The following SDCCAG8 variants were observed in gnomAD, a reference collection of about 807,000 sequenced individuals.
SDCCAG8 encodes serologically defined colon cancer antigen 8.
Under a neutral mutation model 101.8 loss-of-function variants are expected in SDCCAG8, and 74 were observed. The ratio of observed to expected loss-of-function variants is 0.73; its 90% confidence interval spans 0.60 to 0.88. The LOEUF (loss-of-function observed/expected upper bound fraction) is 0.88, where lower values mean the gene tolerates loss of function less well. Ranked by LOEUF, SDCCAG8 falls within the 40% of genes least tolerant of loss-of-function variation. SDCCAG8 has a pLI of 0.00. For missense variants in SDCCAG8, 787 were observed against 822.6 expected (o/e 0.96, Z 0.53); for synonymous variants, 281 against 292.9 (o/e 0.96, Z 0.41).
chr1:243,328,168 C>T (rs1163399465), intron 9 of SDCCAG8, among the ~76,000 whole-genome samples: 2 of 152,098 alleles, frequency 1.3e-5, no homozygotes, highest in Non-Finnish European at 2.9e-5. Context: ...TCCCAAAGTG[C>T]TGGGATTAAA....
At chr1:243,356,406 A>C (rs2076380928) in intron 12 of SDCCAG8, among the ~76,000 whole-genome samples, 1 of 102,854 alleles carries the variant, frequency 9.7e-6, no homozygotes, top group African/African-American at 3.1e-5. Context: ...AAGAAGAGAA[A>C]AGAAAAGTAG....
At chr1:243,282,946 A>G (rs2069194786) in intron 4 of SDCCAG8, among the ~76,000 whole-genome samples, 1 of 152,078 alleles carries the variant, frequency 6.6e-6, no homozygotes, top group Non-Finnish European at 1.5e-5. Context: ...TCCTGGGTTC[A>G]AGCAATTCTC....
At chr1:243,341,650 A>G (rs1192679385) in intron 11 of SDCCAG8, among the ~76,000 whole-genome samples, 1 of 152,224 alleles carries the variant, frequency 6.6e-6, no homozygotes, top group African/African-American at 2.4e-5. Context: ...AGACTTGGTC[A>G]TTAAAATAAA....
chr1:243,301,073 A>T (rs955013983), intron 6 of SDCCAG8, among the ~76,000 whole-genome samples: 7 of 152,186 alleles, frequency 4.6e-5, no homozygotes, highest in African/African-American at 1.7e-4. Flanking sequence ...AAAAGTTAAA[A>T]TTTTTCAAAA....
rs761327041 is a variant in SDCCAG8 at position 243,330,631 on chromosome 1, C to T, written c.1160C>T (p.Ala387Val). ...CTTGCATCTCAGCAAGAGAAAAGGG[C>T]CATTGAGAAAGACATGATGAAAAAG... is the stretch of plus-strand genomic sequence containing the variant. ...KELASQQEKR[A>V]IEKDMMKKEI... Residue 387 changes from alanine (A) to valine (V), a missense_variant, in exon 10 of 18, where the codon GCC becomes GTC. Transcript: ENST00000366541. 5.6e-6 allele frequency: 9 copies of T among 1,613,860 alleles called. No individual in the cohort carries two copies. In the South Asian group the frequency reaches 9.9e-5, roughly 18 times the overall value.
intron 16 of SDCCAG8, among the ~76,000 whole-genome samples, chr1:243,434,735 G>A (rs1326263316): frequency 6.6e-6 from 1 of 152,216 alleles, no homozygotes; most frequent in Non-Finnish European, 1.5e-5. Flanking sequence ...AGTCACGTTT[G>A]TTTATACTGT....
intron 16 of SDCCAG8, among the ~76,000 whole-genome samples, chr1:243,440,663 C>T (rs563738769): frequency 6.6e-6 from 1 of 152,338 alleles, no homozygotes; most frequent in Non-Finnish European, 1.5e-5. Context: ...CTCAGTCAAA[C>T]ATAATGAATT....
chr1:243,366,476 T>G (rs770506802), intron 12 of SDCCAG8, among the ~76,000 whole-genome samples: 2 of 152,012 alleles, frequency 1.3e-5, no homozygotes, highest in Non-Finnish European at 2.9e-5. Flanking sequence ...TTAATAACTT[T>G]AATGTTTAGA....
intron 17 of SDCCAG8, among the ~76,000 whole-genome samples, chr1:243,489,503 C>G (rs1170569203): frequency 2.6e-5 from 4 of 152,192 alleles, no homozygotes. Flanking sequence ...TGAGCTGCCT[C>G]TGAAGGTCGT....
At chr1:243,377,113 G>A (rs1368521684) in intron 12 of SDCCAG8, among the ~76,000 whole-genome samples, 2 of 151,946 alleles carry the variant, frequency 1.3e-5, no homozygotes, top group African/African-American at 4.8e-5. Flanking sequence ...GTGTATCTAT[G>A]TCTCATTTAC....
intron 5 of SDCCAG8, among the ~76,000 whole-genome samples, chr1:243,291,344 G>GT (rs1222340593): frequency 6.6e-6 from 1 of 152,196 alleles, no homozygotes; most frequent in Non-Finnish European, 1.5e-5. Context: ...GGCATGTTTG[G>GT]TTTGTTTGAT....
chr1:243,407,603 T>G (rs2079876487), intron 13 of SDCCAG8, among the ~76,000 whole-genome samples: 1 of 152,214 alleles, frequency 6.6e-6, no homozygotes, highest in East Asian at 1.9e-4. Context: ...TCAAATTATT[T>G]TGGAGATACT....
intron 9 of SDCCAG8, among the ~76,000 whole-genome samples, chr1:243,325,043 G>C (rs770624859): frequency 1.3e-5 from 2 of 152,062 alleles, no homozygotes; most frequent in Non-Finnish European, 2.9e-5. Context: ...TTTTTCCTCT[G>C]TATTCCTGTT....
chr1:243,307,924 G>T, intron 7 of SDCCAG8, 65 bp from the exon 8 acceptor site: 1 of 1,603,384 alleles, frequency 6.2e-7, no homozygotes, highest in South Asian at 1.1e-5. Context: ...ACATTATGAT[G>T]ATTCATTTTA....
In SDCCAG8 at chr1:243,489,126, C is replaced by G; in HGVS notation, c.2098C>G (p.Arg700Gly). 6.2e-7 allele frequency: 1 copy of G among 1,612,532 alleles called. No individual in the cohort carries two copies. Among genetic ancestry groups the G allele is most frequent in the Non-Finnish European group, 8.5e-7 (1 of 1,179,934 alleles). ...GCAGAGCCTGTCGGAAGAGGTGGAC[C>G]GGCTGCGGACCCAGGTACTGTGCAG... is the stretch of plus-strand genomic sequence containing the variant. The part of the protein sequence containing the change: ...ERQSLSEEVD[R>G]LRTQLPSMPQ... The change falls in exon 17 of 18, where the codon CGG becomes GGG. Residue 700 changes from arginine (R) to glycine (G), a missense_variant. Arg to Gly is a moderately radical substitution (Grantham distance 125). Coordinates refer to ENST00000366541, the MANE Select transcript of SDCCAG8 (RefSeq NM_006642.5).
chr1:243,350,438 G>A (rs184360844), intron 12 of SDCCAG8, among the ~76,000 whole-genome samples: 1 of 152,074 alleles, frequency 6.6e-6, no homozygotes, highest in Admixed American at 6.5e-5. Flanking sequence ...GGCTGGTCTT[G>A]AACTCCTGAG....
chr1:243,287,335 G>A (rs570379086), intron 5 of SDCCAG8, among the ~76,000 whole-genome samples: 8 of 151,550 alleles, frequency 5.3e-5, no homozygotes, highest in African/African-American at 1.5e-4. Context: ...TGACTTTGTC[G>A]TCATTAGTAA....
intron 16 of SDCCAG8, among the ~76,000 whole-genome samples, chr1:243,475,402 C>T (rs1483028156): frequency 6.6e-6 from 1 of 152,150 alleles, no homozygotes; most frequent in Non-Finnish European, 1.5e-5. Context: ...TGAGGGGCCA[C>T]TGTGTACTGT....
At chr1:243,388,741 G>T (rs775452796) in intron 13 of SDCCAG8, among the ~76,000 whole-genome samples, 1 of 151,494 alleles carries the variant, frequency 6.6e-6, no homozygotes, top group African/African-American at 2.4e-5. Context: ...AGGCATGGTT[G>T]TGCATGCCTG....
Sources: gnomAD v4.1 joint callset for allele counts (sites outside exome capture counted in the v4.1 genomes callset) on GRCh38, gnomAD v4.1.1 for gene constraint, MANE v1.5 for transcripts, NCBI Gene and HGNC (gene_info 2026-07-23, HGNC 2026-07-21) for gene names.